SUPT3H: variants seen among roughly 807,000 people sequenced by gnomAD.
SUPT3H encodes the protein transcription initiation protein SPT3 homolog.
In SUPT3H, 44 loss-of-function variants were observed where a neutral mutation model predicts 44.3. The ratio of observed to expected loss-of-function variants is 0.99; its 90% CI spans 0.78 to 1.28. The LOEUF is 1.28. Ranked by LOEUF, SUPT3H falls within the 50% of genes most tolerant of loss-of-function variation. The pLI is 0.00. For missense variants in SUPT3H, 380 were observed against 387.1 expected (o/e 0.98, Z 0.15); for synonymous variants, 124 against 125.6 (o/e 0.99, Z 0.09).
chr6:45,075,722 G>A (rs902891230), intron 3 of SUPT3H, among the ~76,000 whole-genome samples: 5 of 151,982 alleles, frequency 3.3e-5, no homozygotes, highest in Admixed American at 1.3e-4. Flanking sequence ...TAACATACAC[G>A]ATATACCTGC....
intron 2 of SUPT3H, among the ~76,000 whole-genome samples, chr6:45,142,552 C>T (rs1454875332): frequency 6.6e-6 from 1 of 151,688 alleles, no homozygotes; most frequent in Non-Finnish European, 1.5e-5. Context: ...ACCTAACCAA[C>T]ATGGAGAAAC....
At chr6:44,938,303 T>G (rs182041353) in intron 9 of SUPT3H, among the ~76,000 whole-genome samples, 1 of 152,132 alleles carries the variant, frequency 6.6e-6, no homozygotes, top group Non-Finnish European at 1.5e-5. Flanking sequence ...GCTGATCCAA[T>G]TCCCCAGCTC....
chr6:45,168,040 A>G (rs6925198), intron 2 of SUPT3H, among the ~76,000 whole-genome samples: 20,099 of 151,872 alleles, frequency 0.13, 3,185 homozygotes, highest in African/African-American at 0.38. Context: ...CGAACTTCCG[A>G]CCTCAGGTGA....
At chr6:45,167,189 G>A (rs368393375) in intron 2 of SUPT3H, among the ~76,000 whole-genome samples, 4 of 152,158 alleles carry the variant, frequency 2.6e-5, no homozygotes, top group Non-Finnish European at 5.9e-5. Context: ...AGAAGTGTAG[G>A]TACTATAAAA....
chr6:45,192,191 C>T (rs1404399710), intron 2 of SUPT3H, among the ~76,000 whole-genome samples: 1 of 152,078 alleles, frequency 6.6e-6, no homozygotes, highest in African/African-American at 2.4e-5. Context: ...AGGCAGTTAA[C>T]TGAATTCTCT....
intron 2 of SUPT3H, among the ~76,000 whole-genome samples, chr6:45,268,714 A>C (rs1775654343): frequency 6.6e-6 from 1 of 152,174 alleles, no homozygotes; most frequent in East Asian, 1.9e-4. Context: ...ATAGAAAACA[A>C]AAACCATAAC....
intron 6 of SUPT3H, among the ~76,000 whole-genome samples, chr6:44,964,186 C>G (rs761161446): frequency 1.3e-5 from 2 of 152,170 alleles, no homozygotes; most frequent in Middle Eastern, 3.4e-3. Context: ...GGTAAATAAG[C>G]AATAAACATT....
At chr6:45,287,806 A>G (rs1169454958) in intron 2 of SUPT3H, among the ~76,000 whole-genome samples, 1 of 152,202 alleles carries the variant, frequency 6.6e-6, no homozygotes, top group Non-Finnish European at 1.5e-5. Flanking sequence ...CCATTAATCA[A>G]TTTCAATAGT....
At chr6:45,093,905 C>T (rs910051224) in intron 3 of SUPT3H, among the ~76,000 whole-genome samples, 4 of 152,030 alleles carry the variant, frequency 2.6e-5, no homozygotes, top group Non-Finnish European at 5.9e-5. Flanking sequence ...ATGCATAAAA[C>T]AAATTATATT....
chr6:45,231,334 C>A (rs779008465), intron 2 of SUPT3H, among the ~76,000 whole-genome samples: 2 of 152,102 alleles, frequency 1.3e-5, no homozygotes, highest in Non-Finnish European at 1.5e-5. Context: ...CTTTATTTAT[C>A]CTTCCTTCAT....
intron 2 of SUPT3H, among the ~76,000 whole-genome samples, chr6:45,292,464 A>T (rs1156345133): frequency 6.6e-6 from 1 of 152,096 alleles, no homozygotes; most frequent in African/African-American, 2.4e-5. Context: ...GGTGAATAAA[A>T]TGGTACCTCA....
chr6:45,236,319 AC>A (rs1769132917), intron 2 of SUPT3H, among the ~76,000 whole-genome samples: 1 of 152,068 alleles, frequency 6.6e-6, no homozygotes, highest in African/African-American at 2.4e-5. Flanking sequence ...GCTGGAGGAC[AC>A]CCGAGTGCTC....
At position 45,315,970 on chromosome 6, in the gene SUPT3H, T is replaced by G. The variant is rs544920072; in HGVS notation, c.101+49231A>C. 2.7e-5 allele frequency among the ~76,000 whole-genome samples: 4 copies of G among 148,774 alleles called. No homozygotes were observed. In the Admixed American group the frequency reaches 2.7e-4, roughly 10 times the overall value. Reference sequence around the variant, plus strand: ...ATAGATAGATAGATAGATAGATAGATAGATGATGGAATACTACTCAACCAT... The same window carrying G: ...ATAGATAGATAGATAGATAGATAGAGAGATGATGGAATACTACTCAACCAT... On this transcript the variant is annotated intron_variant, in intron 2 of 10. Transcript: ENST00000371459.
At chr6:44,997,481 A>C (rs1254193144) in intron 6 of SUPT3H, among the ~76,000 whole-genome samples, 1 of 151,638 alleles carries the variant, frequency 6.6e-6, no homozygotes, top group African/African-American at 2.4e-5. Context: ...TTTATTATTG[A>C]GTATTACTGA....
At chr6:45,066,045 G>T (rs866995956) in intron 3 of SUPT3H, among the ~76,000 whole-genome samples, 1 of 137,302 alleles carries the variant, frequency 7.3e-6, no homozygotes, top group Non-Finnish European at 1.6e-5. Context: ...GATGAACATT[G>T]ATGCAAAAAT....
intron 10 of SUPT3H, among the ~76,000 whole-genome samples, chr6:44,884,988 T>C (rs905698795): frequency 6.6e-6 from 1 of 152,176 alleles, no homozygotes; most frequent in African/African-American, 2.4e-5. Context: ...CGGAGGGTCC[T>C]ACGCCCACGG....
At chr6:45,052,242 C>A (rs1484357446) in intron 3 of SUPT3H, among the ~76,000 whole-genome samples, 1 of 152,032 alleles carries the variant, frequency 6.6e-6, no homozygotes. Flanking sequence ...AAGACTATGT[C>A]ATTAAGTAGT....
intron 10 of SUPT3H, among the ~76,000 whole-genome samples, chr6:44,888,047 C>T (rs1019251141): frequency 2.0e-5 from 3 of 152,134 alleles, no homozygotes; most frequent in African/African-American, 7.2e-5. Context: ...CACATACACC[C>T]TCCCAAGACT....
At position 44,923,376 on chromosome 6, in the gene SUPT3H, T is replaced by A. The variant is rs1266542661; in HGVS notation, c.912+9277A>T. On this transcript the variant is annotated intron_variant, in intron 10 of 10. Coordinates refer to ENST00000371459, the MANE Select transcript of SUPT3H (RefSeq NM_003599.4). ...GGTCTCCATAGATGTTTGGTTTGAA[T>A]GTCTATCACAATTTTTGTGCTACTC... 2.0e-5 allele frequency among the ~76,000 whole-genome samples: 3 copies of A among 152,150 alleles called. No individual in the cohort carries two copies. The East Asian group carries it at 5.8e-4, about 29-fold the overall frequency.
Sources: gnomAD v4.1 joint callset for allele counts (sites outside exome capture counted in the v4.1 genomes callset) on GRCh38, gnomAD v4.1.1 for gene constraint, MANE v1.5 for transcripts, NCBI Gene and HGNC (gene_info 2026-07-23, HGNC 2026-07-21) for gene names.